Variants in CD99 observed in about 807,000 individuals in gnomAD.
The protein encoded by CD99 is CD99 antigen.
CD99 carries 19 observed loss-of-function variants against 28.4 expected under a neutral mutation model. The ratio of observed to expected loss-of-function variants is 0.67; its 90% confidence interval spans 0.47 to 0.98. The LOEUF is 0.98. CD99 is among the 50% of genes least tolerant of loss of function. The probability of loss-of-function intolerance (pLI) is 0.00; values close to 1 mark genes in which losing one functional copy is unlikely to be tolerated. For synonymous variants in CD99, 103 were observed against 92.1 expected (o/e 1.12, Z -0.67); for missense variants, 283 against 248.8 (o/e 1.14, Z -0.92).
intron 1 of CD99, among the ~76,000 whole-genome samples, chrX:2,700,283 T>TA (rs1384324841): frequency 1.3e-5 from 2 of 152,196 alleles, no homozygotes; most frequent in African/African-American, 4.8e-5. Flanking sequence ...GTGGTGAACT[T>TA]AGACCAGTCA....
At chrX:2,699,600 G>A (rs2047750396) in intron 1 of CD99, among the ~76,000 whole-genome samples, 1 of 151,786 alleles carries the variant, frequency 6.6e-6, no homozygotes, top group African/African-American at 2.4e-5. Context: ...CCTCCCTCAG[G>A]CGTGAGCTGG....
At chrX:2,719,508 A>G in intron 3 of CD99, 153 bp from the exon 4 acceptor site, 1 of 699,014 alleles carries the variant, frequency 1.4e-6, no homozygotes, top group East Asian at 2.5e-5. Context: ...ATGGTCAGGA[A>G]TTCACTTTTT....
At chrX:2,705,795 C>T (rs1166364159) in intron 1 of CD99, among the ~76,000 whole-genome samples, 4 of 152,106 alleles carry the variant, frequency 2.6e-5, no homozygotes, top group East Asian at 3.9e-4. Flanking sequence ...ACTTCCAGAG[C>T]GATTCGGTTT....
intron 8 of CD99, among the ~76,000 whole-genome samples, chrX:2,730,930 A>AAC (rs2049569573): frequency 6.2e-5 from 1 of 16,074 alleles, no homozygotes; most frequent in Non-Finnish European, 1.1e-4. Context: ...ACTCTGTCTC[A>AAC]AAAAAAAAAA....
intron 8 of CD99, among the ~76,000 whole-genome samples, chrX:2,735,131 G>A (rs1038232129): frequency 2.6e-5 from 4 of 152,304 alleles, no homozygotes; most frequent in Middle Eastern, 6.8e-3. Context: ...CAGAGTGTCT[G>A]TCCTAACACC....
chrX:2,716,603 C>T (rs1168781739), intron 2 of CD99, among the ~76,000 whole-genome samples: 1 of 152,196 alleles, frequency 6.6e-6, no homozygotes, highest in Non-Finnish European at 1.5e-5. Flanking sequence ...GCAATCCTCC[C>T]ACCTCAGCCT....
chrX:2,740,858 C>G lies in CD99; in HGVS notation c.*54C>G. 6.3e-7 allele frequency: 1 copy of G among 1,598,442 alleles called. No homozygotes were observed. The highest frequency in any genetic ancestry group is 8.6e-7 in the Non-Finnish European group (1 of 1,165,710). On this transcript the variant is annotated 3_prime_UTR_variant, in exon 10 of 10. Coordinates refer to ENST00000381192, the MANE Select transcript of CD99 (RefSeq NM_002414.5). ...TTGGCAGCAGGGTTAGAACAGCTGC[C>G]TGAGGCTCCTCCCTGAAGGACACCT...
chrX:2,736,674 G>A (rs1452606442), intron 8 of CD99, among the ~76,000 whole-genome samples: 9 of 151,952 alleles, frequency 5.9e-5, no homozygotes, highest in African/African-American at 1.9e-4. Context: ...TGGCTAACAC[G>A]GTGGAACCCC....
At chrX:2,735,666 GAC>G (rs2049894101) in intron 8 of CD99, among the ~76,000 whole-genome samples, 1 of 152,174 alleles carries the variant, frequency 6.6e-6, no homozygotes, top group Non-Finnish European at 1.5e-5. Flanking sequence ...TTCTAGCCAG[GAC>G]AGTTTGCTGC....
chrX:2,727,286 C>T (rs750897232), intron 8 of CD99: 2 of 778,842 alleles, frequency 2.6e-6, no homozygotes, highest in Non-Finnish European at 4.8e-6. Flanking sequence ...CATTGCAATC[C>T]TCCTAGGTCA....
At position 2,723,378 on chromosome X, in the gene CD99, G is replaced by A. The variant is rs369179515; in HGVS notation, c.361+14G>A. 2.4e-5 allele frequency: 39 copies of A among 1,613,804 alleles called. No homozygotes were observed. Among genetic ancestry groups the A allele is most frequent in the Non-Finnish European group, 3.3e-5 (39 of 1,179,764 alleles). ...AAGGGGAAGAGGGTAGGTGCACCTGGCTTCTGTCTTCTTGTCTCTCCCACG... is the reference window on the plus strand; with the variant it reads ...AAGGGGAAGAGGGTAGGTGCACCTGACTTCTGTCTTCTTGTCTCTCCCACG... On this transcript the variant is annotated intron_variant, in intron 7 of 9. Coordinates refer to ENST00000381192, the MANE Select transcript of CD99 (RefSeq NM_002414.5).
At chrX:2,695,662 C>T (rs1256857615) in intron 1 of CD99, among the ~76,000 whole-genome samples, 1 of 143,840 alleles carries the variant, frequency 7.0e-6, no homozygotes, top group Non-Finnish European at 1.5e-5. Context: ...GAGACAGTGT[C>T]TCACTGTGTC....
At chrX:2,694,294 T>TA (rs200342310) in intron 1 of CD99, among the ~76,000 whole-genome samples, 24 of 151,550 alleles carry the variant, frequency 1.6e-4, no homozygotes, top group Admixed American at 1.4e-3. Context: ...TTTTTTTTTT[T>TA]AACTCTCTCC....
chrX:2,722,742 C>G lies in CD99; in HGVS notation c.310+68C>G, dbSNP rs1382576863. On this transcript the variant is annotated intron_variant, in intron 6 of 9. Coordinates refer to ENST00000381192, the MANE Select transcript of CD99 (RefSeq NM_002414.5). ...ATGATGCCCACCTGCTCTGTAGAAT[C>G]ACTACAGGGTCTAAACTGTCAGCTC... 3 of 1,412,148 alleles carry G rather than the reference C, an allele frequency of 2.1e-6. No individual in the cohort carries two copies. In the East Asian group the frequency reaches 6.8e-5, roughly 32 times the overall value. The allele number at this position is 1,412,148 out of a possible 1,614,324, so 87.5% of individuals were successfully genotyped here. A position where few individuals can be genotyped will look rare whatever the true frequency, so the allele number is the denominator to read the frequency against.
At chrX:2,697,964 G>A (rs2047653975) in intron 1 of CD99, among the ~76,000 whole-genome samples, 1 of 151,736 alleles carries the variant, frequency 6.6e-6, no homozygotes, top group Non-Finnish European at 1.5e-5. Context: ...TTGAGACCGT[G>A]CCGAGGTGGC....
chrX:2,713,721 T>C (rs928391528), intron 1 of CD99, among the ~76,000 whole-genome samples: 4 of 152,178 alleles, frequency 2.6e-5, no homozygotes, highest in Admixed American at 2.0e-4. Context: ...TTGAGAGATG[T>C]TGTATGCCTT....
chrX:2,692,781 C>G (rs970693647), intron 1 of CD99, among the ~76,000 whole-genome samples: 1 of 152,168 alleles, frequency 6.6e-6, no homozygotes, highest in African/African-American at 2.4e-5. Flanking sequence ...TGTCTCTCTG[C>G]GAATGCATTC....
chrX:2,713,455 G>C (rs2048539138), intron 1 of CD99, among the ~76,000 whole-genome samples: 1 of 151,608 alleles, frequency 6.6e-6, no homozygotes, highest in Non-Finnish European at 1.5e-5. Context: ...TGCACACACA[G>C]AACTCACCTA....
At chrX:2,717,444 CGTT>C in intron 2 of CD99, 158 bp from the exon 3 acceptor site, 6 of 630,692 alleles carry the variant, frequency 9.5e-6, no homozygotes, top group South Asian at 2.0e-5. Flanking sequence ...GCTCAAGAGT[CGTT>C]GTATAAACCT....
Sources: gnomAD v4.1 joint callset for allele counts (sites outside exome capture counted in the v4.1 genomes callset) on GRCh38, gnomAD v4.1.1 for gene constraint, MANE v1.5 for transcripts, NCBI Gene and HGNC (gene_info 2026-07-23, HGNC 2026-07-21) for gene names.